The following PCDHGA1 variants were observed in gnomAD, a reference collection of about 807,000 sequenced individuals.
The protein encoded by PCDHGA1 is protocadherin gamma-A1.
Under a neutral mutation model 58.0 loss-of-function variants are expected in PCDHGA1, and 32 were observed. The observed-to-expected ratio is 0.55, with a 90% CI of 0.42 to 0.74. The LOEUF (loss-of-function observed/expected upper bound fraction) is 0.74. Among genes scored for constraint, PCDHGA1 ranks in the 30% least tolerant of loss-of-function variants. PCDHGA1 has a pLI of 0.00. For synonymous variants in PCDHGA1, 498 were observed against 501.1 expected, an observed-to-expected ratio of 0.99 and a Z score of 0.08; for missense variants, 1,205 against 1,182.3, an observed-to-expected ratio of 1.02 and a Z score of -0.28.
chr5:141,426,437 C>T (rs914971616), intron 1 of PCDHGA1: 6 of 300,546 alleles, frequency 2.0e-5, no homozygotes, highest in South Asian at 6.4e-5. Flanking sequence ...GGGAACCTTG[C>T]GGAGGACATG....
chr5:141,492,146 C>T (rs979485619), intron 1 of PCDHGA1, among the ~76,000 whole-genome samples: 3 of 152,242 alleles, frequency 2.0e-5, no homozygotes, highest in African/African-American at 4.8e-5. Flanking sequence ...TGTGACTTCA[C>T]TGTTACCCTC....
chr5:141,375,766 G>C lies in PCDHGA1; in HGVS notation c.2421+42661G>C, dbSNP rs754916018. The C allele has an allele frequency of 4.3e-6, 7 of 1,614,270 alleles. No homozygotes were observed. In the South Asian group the frequency reaches 7.7e-5, roughly 18 times the overall value. On this transcript the variant is annotated intron_variant, in intron 1 of 3. Coordinates refer to ENST00000517417, the MANE Select transcript of PCDHGA1 (RefSeq NM_018912.3). ...TGGACCAGAATGACAATGCGCCCGA[G>C]ATCCTGTACCCCGCCCTCCCCACAG...
intron 3 of PCDHGA1, among the ~76,000 whole-genome samples, chr5:141,507,772 A>C (rs2099863177): frequency 6.6e-6 from 1 of 152,332 alleles, no homozygotes; most frequent in South Asian, 2.1e-4. Flanking sequence ...TGGCCCACAC[A>C]GGGCCTGACC....
At chr5:141,365,868 T>TC (rs764390051) in intron 1 of PCDHGA1, 1 of 1,614,024 alleles carries the variant, frequency 6.2e-7, no homozygotes, top group East Asian at 2.2e-5. Flanking sequence ...GACACCGGTG[T>TC]CCTGTATGCT....
At chr5:141,376,366 A>C in intron 1 of PCDHGA1, 1 of 1,614,206 alleles carries the variant, frequency 6.2e-7, no homozygotes, top group Non-Finnish European at 8.5e-7. Context: ...CACTCACTGC[A>C]GACTCGCGTA....
At position 141,486,415 on chromosome 5, in the gene PCDHGA1, T is replaced by C. The variant is rs745877804; in HGVS notation, c.2422-8392T>C. On this transcript the variant is annotated intron_variant, in intron 1 of 3. Transcript: ENST00000517417. The surrounding 1 kb of genome is among the most constrained non-coding windows in gnomAD (Gnocchi z 5.0). ...CCCTGGTGACTGCTGGACCCTTGGA[T>C]CGAGAGGCCAAATCTAGCTATGACA... 6.2e-7 allele frequency: 1 copy of C among 1,614,176 alleles called. No individual in the cohort carries two copies. The highest frequency in any genetic ancestry group is 8.5e-7 in the Non-Finnish European group (1 of 1,180,022).
chr5:141,366,393 A>T, intron 1 of PCDHGA1: 3 of 1,614,122 alleles, frequency 1.9e-6, no homozygotes, highest in Non-Finnish European at 8.5e-7. Flanking sequence ...GAGGATCTGG[A>T]CCTCACACTC....
intron 1 of PCDHGA1, among the ~76,000 whole-genome samples, chr5:141,379,889 CTTTTTTTTTTTTTTTTTT>C (rs70988800): frequency 3.9e-5 from 2 of 50,830 alleles, no homozygotes; most frequent in African/African-American, 6.6e-5. Context: ...GTGAAAGCCT[CTTTTTTTTTTTTTTTTTT>C]TTTTTTTTTT....
chr5:141,471,564 T>C (rs1352708320), intron 1 of PCDHGA1: 1 of 152,184 alleles, frequency 6.6e-6, no homozygotes, highest in African/African-American at 2.4e-5. Context: ...GACTCAGGGG[T>C]AGCAGTAGAT....
intron 1 of PCDHGA1, chr5:141,399,027 A>G (rs1427563902): frequency 6.2e-7 from 1 of 1,613,788 alleles, no homozygotes; most frequent in Non-Finnish European, 8.5e-7. Context: ...TTACCACTCA[A>G]AAGAAACTGG....
At chr5:141,482,366 AT>A (rs1425349819) in intron 1 of PCDHGA1, among the ~76,000 whole-genome samples, 1 of 152,150 alleles carries the variant, frequency 6.6e-6, no homozygotes, top group Non-Finnish European at 1.5e-5. Flanking sequence ...GTGAAAAGTA[AT>A]GCATATAAAG....
At chr5:141,408,850 C>T (rs2095179070) in intron 1 of PCDHGA1, 2 of 1,613,554 alleles carry the variant, frequency 1.2e-6, no homozygotes, top group South Asian at 1.1e-5. Context: ...CTGCCTTGGA[C>T]GGAGGGGACC....
intron 1 of PCDHGA1, chr5:141,409,356 A>G: frequency 6.2e-7 from 1 of 1,614,004 alleles, no homozygotes; most frequent in Non-Finnish European, 8.5e-7. Context: ...GTCAGGTGTA[A>G]TATAGAAACA....
At chr5:141,369,961 C>G (rs1766581774) in intron 1 of PCDHGA1, among the ~76,000 whole-genome samples, 1 of 152,090 alleles carries the variant, frequency 6.6e-6, no homozygotes, top group African/African-American at 2.4e-5. Flanking sequence ...TGCCCTTTGA[C>G]AAGTAAAAGG....
At chr5:141,365,307 CT>C in intron 1 of PCDHGA1, 2 of 1,613,992 alleles carry the variant, frequency 1.2e-6, no homozygotes, top group Non-Finnish European at 1.7e-6. Flanking sequence ...GATGGAGGCG[CT>C]CTTGTTGCCA....
intron 1 of PCDHGA1, among the ~76,000 whole-genome samples, chr5:141,446,686 C>T (rs574630887): frequency 1.3e-5 from 2 of 152,294 alleles, no homozygotes; most frequent in African/African-American, 4.8e-5. Context: ...CCATATTGGC[C>T]AGGCTGGTCT....
At chr5:141,350,804 A>G (rs748254938) in intron 1 of PCDHGA1, 1 of 1,614,048 alleles carries the variant, frequency 6.2e-7, no homozygotes, top group Non-Finnish European at 8.5e-7. Flanking sequence ...AACGAAGGAA[A>G]GTCCTGATGG....
intron 1 of PCDHGA1, chr5:141,419,427 A>C: frequency 1.2e-6 from 2 of 1,613,290 alleles, no homozygotes; most frequent in Non-Finnish European, 1.7e-6. Context: ...TTCGACCACG[A>C]GCAGCTGCGC....
intron 1 of PCDHGA1, chr5:141,359,902 C>G: frequency 2.5e-6 from 1 of 408,138 alleles, no homozygotes; most frequent in East Asian, 3.6e-5. Context: ...ATTGACAAGC[C>G]ATTAGTGCAG....
Sources: gnomAD v4.1 joint callset for allele counts (sites outside exome capture counted in the v4.1 genomes callset) on GRCh38, gnomAD v4.1.1 for gene constraint, Gnocchi (gnomAD v3.1) non-coding constraint, MANE v1.5 for transcripts, NCBI Gene and HGNC (gene_info 2026-07-23, HGNC 2026-07-21) for gene names.